The following C8orf74 variants were observed in gnomAD, a reference collection of about 807,000 sequenced individuals.
C8orf74 encodes the protein uncharacterized protein C8orf74.
A neutral mutation model predicts 22.2 loss-of-function variants in C8orf74; 29 were observed. The ratio of observed to expected loss-of-function variants is 1.31; its 90% CI spans 0.97 to 1.78. C8orf74 has a LOEUF of 1.78. Among genes scored for constraint, C8orf74 ranks in the 40% most tolerant of loss-of-function variants. The probability of loss-of-function intolerance (pLI) is 0.00; values close to 1 mark genes in which losing one functional copy is unlikely to be tolerated. For synonymous variants in C8orf74, 255 were observed against 163.1 expected (o/e 1.56, Z -4.30); for missense variants, 515 against 369.9 (o/e 1.39, Z -3.22).
At chr8:10,687,183 C>G (rs1799278939) in intron 2 of C8orf74, 1 of 454,596 alleles carries the variant, frequency 2.2e-6, no homozygotes, top group African/African-American at 2.0e-5. Flanking sequence ...TGAGTGTTTA[C>G]TGTGTACCAG....
chr8:10,690,595 G>T (rs1384904771), intron 2 of C8orf74, among the ~76,000 whole-genome samples: 2 of 152,090 alleles, frequency 1.3e-5, no homozygotes, highest in East Asian at 3.9e-4. Flanking sequence ...GAACCAAACT[G>T]GTTTATCGGG....
intron 3 of C8orf74, among the ~76,000 whole-genome samples, chr8:10,698,829 G>C (rs1449513557): frequency 6.6e-6 from 1 of 151,586 alleles, no homozygotes; most frequent in East Asian, 1.9e-4. Flanking sequence ...AGTTCCAAGG[G>C]ATTTTGATTT....
intron 3 of C8orf74, among the ~76,000 whole-genome samples, chr8:10,699,798 C>A (rs1177997142): frequency 1.3e-5 from 2 of 152,308 alleles, no homozygotes; most frequent in East Asian, 3.9e-4. Flanking sequence ...CCAGATGGAG[C>A]CTGCATTGAC....
chr8:10,676,492 C>A (rs1799035186), intron 2 of C8orf74, among the ~76,000 whole-genome samples: 1 of 152,224 alleles, frequency 6.6e-6, no homozygotes, highest in African/African-American at 2.4e-5. Context: ...TTCAGACACA[C>A]AGAATGTCCC....
intron 2 of C8orf74, among the ~76,000 whole-genome samples, chr8:10,686,103 A>C (rs373540969): frequency 2.0e-5 from 3 of 152,238 alleles, no homozygotes; most frequent in African/African-American, 7.2e-5. Flanking sequence ...TAAAATGGTC[A>C]GTGTTATGTT....
intron 2 of C8orf74, chr8:10,688,360 C>T (rs546118315): frequency 6.6e-6 from 1 of 152,346 alleles, no homozygotes; most frequent in African/African-American, 2.4e-5. Context: ...AAAGAGAACA[C>T]TGATGCCCAG....
chr8:10,697,519 G>T (rs1332458713), intron 2 of C8orf74, 80 bp from the exon 3 acceptor site: 3 of 1,235,210 alleles, frequency 2.4e-6, no homozygotes, highest in Non-Finnish European at 2.3e-6. Flanking sequence ...CCAGGCTGTC[G>T]GGGTGCAGAG....
In C8orf74 at chr8:10,697,896, C is replaced by CCGA; in HGVS notation, c.542_544dup (p.Asp181dup). The CCGA allele has an allele frequency of 6.2e-7, 1 of 1,609,090 alleles. No homozygotes were observed. Among genetic ancestry groups the CCGA allele is most frequent in the Non-Finnish European group, 8.5e-7 (1 of 1,177,216 alleles). On this transcript the variant is annotated inframe_insertion, in exon 3 of 4. Coordinates refer to ENST00000304519, the MANE Select transcript of C8orf74 (RefSeq NM_001040032.2). ...ACGGAGGCCGAGGCACAGAAGCGCGCCGACGTGCTGCTCCTGAAAGAGGCG... is the reference window on the plus strand; with the variant it reads ...ACGGAGGCCGAGGCACAGAAGCGCGCCGACGACGTGCTGCTCCTGAAAGAGGCG...
intron 3 of C8orf74, among the ~76,000 whole-genome samples, chr8:10,698,901 C>CCACACACACACA (rs59324425): frequency 2.2e-5 from 3 of 137,520 alleles, no homozygotes; most frequent in Non-Finnish European, 4.7e-5. Flanking sequence ...TACACACACA[C>CCACACACACACA]CACACACACA....
At chr8:10,677,254 G>A (rs764332338) in intron 2 of C8orf74, among the ~76,000 whole-genome samples, 1 of 152,022 alleles carries the variant, frequency 6.6e-6, no homozygotes, top group African/African-American at 2.4e-5. Context: ...GCTGCCTTCC[G>A]CCCCTCTCCA....
chr8:10,689,263 A>T (rs1799324818), intron 2 of C8orf74: 1 of 152,200 alleles, frequency 6.6e-6, no homozygotes, highest in African/African-American at 2.4e-5. Flanking sequence ...GGCAAGTCTC[A>T]TCCTTTTTCT....
At chr8:10,681,375 G>A (rs1431767984) in intron 2 of C8orf74, among the ~76,000 whole-genome samples, 3 of 152,186 alleles carry the variant, frequency 2.0e-5, no homozygotes, top group African/African-American at 7.2e-5. Context: ...GCACAGAGGG[G>A]CGGGAGTCTT....
intron 2 of C8orf74, chr8:10,675,841 AC>A (rs1799021377): frequency 6.6e-6 from 1 of 152,178 alleles, no homozygotes; most frequent in Non-Finnish European, 1.5e-5. Flanking sequence ...CCCAGCAAAG[AC>A]TGATAAACCT....
intron 2 of C8orf74, among the ~76,000 whole-genome samples, chr8:10,677,433 A>G (rs1563155076): frequency 6.6e-6 from 1 of 152,202 alleles, no homozygotes. Flanking sequence ...TTTCTGCTAC[A>G]TACATTTATC....
chr8:10,681,068 C>T (rs1041967650), intron 2 of C8orf74, among the ~76,000 whole-genome samples: 4 of 151,366 alleles, frequency 2.6e-5, no homozygotes, highest in South Asian at 2.1e-4. Context: ...AGCTGGCAGT[C>T]GCAGTGAAGG....
chr8:10,677,478 T>G (rs1421758689), intron 2 of C8orf74, among the ~76,000 whole-genome samples: 1 of 152,250 alleles, frequency 6.6e-6, no homozygotes, highest in Non-Finnish European at 1.5e-5. Context: ...TCATTTTATT[T>G]ATTTAACATA....
intron 2 of C8orf74, among the ~76,000 whole-genome samples, chr8:10,678,077 C>T (rs754939610): frequency 4.6e-5 from 7 of 152,178 alleles, no homozygotes; most frequent in Non-Finnish European, 1.0e-4. Context: ...ATGGTTAATA[C>T]AAACATGGAC....
chr8:10,690,401 G>T (rs979392850), intron 2 of C8orf74, among the ~76,000 whole-genome samples: 3 of 152,250 alleles, frequency 2.0e-5, no homozygotes, highest in African/African-American at 4.8e-5. Context: ...GAGCACAAAG[G>T]GGGCAGGGGG....
intron 2 of C8orf74, among the ~76,000 whole-genome samples, chr8:10,679,203 C>G (rs967988774): frequency 6.6e-6 from 1 of 152,102 alleles, no homozygotes; most frequent in African/African-American, 2.4e-5. Flanking sequence ...CATTTATGGC[C>G]CTGGAACGGT....
Sources: allele counts gnomAD v4.1 joint callset (sites outside exome capture counted in the v4.1 genomes callset), GRCh38; gene constraint gnomAD v4.1.1; transcripts MANE v1.5; gene names NCBI Gene and HGNC (gene_info 2026-07-23, HGNC 2026-07-21).